Variants in LARS2 observed in about 807,000 individuals in gnomAD.
LARS2 encodes leucine--tRNA ligase, mitochondrial.
Under a neutral mutation model 116.6 loss-of-function variants are expected in LARS2, and 81 were observed. That is an observed-to-expected ratio of 0.69 (90% CI 0.58 to 0.84). The LOEUF is 0.84. LARS2 is among the 40% of genes least tolerant of loss of function. The pLI is 0.00. For synonymous variants in LARS2, 396 were observed against 407.2 expected (o/e 0.97, Z 0.33); for missense variants, 968 against 1,114.5 (o/e 0.87, Z 1.87).
chr3:45,398,655 T>C (rs898451220), intron 3 of LARS2, among the ~76,000 whole-genome samples: 1 of 152,230 alleles, frequency 6.6e-6, no homozygotes, highest in Admixed American at 6.5e-5. Context: ...TGATTTAAAC[T>C]TGGGTGTGGG....
chr3:45,464,715 G>T (rs1289247426), intron 8 of LARS2, among the ~76,000 whole-genome samples: 1 of 152,118 alleles, frequency 6.6e-6, no homozygotes, highest in Non-Finnish European at 1.5e-5. Context: ...GCCTTCTAAG[G>T]GGGAGGGGCG....
chr3:45,496,458 A>G (rs540778320), intron 14 of LARS2, 85 bp downstream of exon 14: 253 of 1,011,782 alleles, frequency 2.5e-4, no homozygotes, highest in Non-Finnish European at 3.5e-4. Context: ...TAGACATGCA[A>G]GAGATTTCTT....
At chr3:45,426,108 T>C (rs777277733) in intron 6 of LARS2, among the ~76,000 whole-genome samples, 6 of 152,164 alleles carry the variant, frequency 3.9e-5, no homozygotes, top group Non-Finnish European at 7.3e-5. Context: ...AAAGTGAAAA[T>C]TAATATTACT....
intron 6 of LARS2, among the ~76,000 whole-genome samples, chr3:45,420,219 T>A (rs921816614): frequency 6.6e-6 from 1 of 152,220 alleles, no homozygotes; most frequent in African/African-American, 2.4e-5. Context: ...CAGTGGAGAA[T>A]CAGTGGAGAA....
At chr3:45,459,333 C>T (rs1165275334) in intron 8 of LARS2, among the ~76,000 whole-genome samples, 4 of 152,194 alleles carry the variant, frequency 2.6e-5, no homozygotes, top group Non-Finnish European at 5.9e-5. Flanking sequence ...ATGTCTTTCC[C>T]ACCCAACTCT....
intron 10 of LARS2, among the ~76,000 whole-genome samples, chr3:45,478,612 T>G (rs928446960): frequency 6.6e-6 from 1 of 152,236 alleles, no homozygotes; most frequent in Non-Finnish European, 1.5e-5. Context: ...GCAAATTTAG[T>G]GCCAAGTGTA....
intron 6 of LARS2, among the ~76,000 whole-genome samples, chr3:45,430,003 CTTTT>C (rs66989698): frequency 1.4e-4 from 8 of 56,950 alleles, no homozygotes; most frequent in African/African-American, 6.1e-4. Flanking sequence ...TGCCCAGCCT[CTTTT>C]TTTTTTTTTT....
At chr3:45,527,921 C>CT (rs748094091) in intron 20 of LARS2, among the ~76,000 whole-genome samples, 12 of 152,196 alleles carry the variant, frequency 7.9e-5, no homozygotes, top group Admixed American at 1.3e-4. Context: ...TCTTATAACA[C>CT]TGAGGCCTAG....
chr3:45,466,409 A>T (rs962867592), intron 8 of LARS2, among the ~76,000 whole-genome samples: 5 of 152,198 alleles, frequency 3.3e-5, no homozygotes, highest in African/African-American at 1.2e-4. Flanking sequence ...CCCTGCCCTG[A>T]TCTGAAAAAC....
intron 6 of LARS2, among the ~76,000 whole-genome samples, chr3:45,435,355 C>T (rs1698780955): frequency 6.6e-6 from 1 of 152,192 alleles, no homozygotes; most frequent in African/African-American, 2.4e-5. Flanking sequence ...TCCTCAGCTT[C>T]CTGTGACACC....
intron 14 of LARS2, 55 bp downstream of exon 14, chr3:45,496,428 A>C: frequency 7.9e-7 from 1 of 1,259,392 alleles, no homozygotes; most frequent in Admixed American, 1.7e-5. Flanking sequence ...TCCTCCTAGA[A>C]GCAAAGACCA....
chr3:45,475,281 A>AT (rs1699592603), intron 9 of LARS2, among the ~76,000 whole-genome samples: 1 of 152,148 alleles, frequency 6.6e-6, no homozygotes, highest in Non-Finnish European at 1.5e-5. Context: ...TCAGCTTATA[A>AT]TTCCCTGTGC....
At chr3:45,545,944 G>A (rs760068498) in intron 21 of LARS2, among the ~76,000 whole-genome samples, 4 of 147,970 alleles carry the variant, frequency 2.7e-5, no homozygotes, top group Admixed American at 6.8e-5. Flanking sequence ...AGAATCTGGA[G>A]AATTCTGTCC....
chr3:45,415,365 C>T (rs976353316), intron 4 of LARS2, among the ~76,000 whole-genome samples: 1 of 152,182 alleles, frequency 6.6e-6, no homozygotes, highest in Non-Finnish European at 1.5e-5. Context: ...ATATACAGCA[C>T]TTTACTGTGT....
At chr3:45,463,373 C>G (rs927288447) in intron 8 of LARS2, among the ~76,000 whole-genome samples, 2 of 152,222 alleles carry the variant, frequency 1.3e-5, no homozygotes, top group African/African-American at 4.8e-5. Flanking sequence ...TAGTCAACCC[C>G]CATACCAAAT....
chr3:45,443,509 C>A (rs192942409), intron 6 of LARS2, among the ~76,000 whole-genome samples: 4 of 152,102 alleles, frequency 2.6e-5, no homozygotes, highest in Non-Finnish European at 5.9e-5. Context: ...GTGAGCCTTG[C>A]GAGTGTCTGT....
chr3:45,528,053 G>GTGGC (rs1254724594), intron 20 of LARS2, among the ~76,000 whole-genome samples: 1 of 152,148 alleles, frequency 6.6e-6, no homozygotes, highest in Non-Finnish European at 1.5e-5. Context: ...AGTGGATATG[G>GTGGC]TGGCTGGGTG....
rs550795598 is a variant in LARS2, at chr3:45,444,317, T to A, written c.517-2574T>A. 4.7e-5 allele frequency among the ~76,000 whole-genome samples: 7 copies of A among 147,734 alleles called. No individual in the cohort carries two copies. The South Asian group carries it at 1.6e-3, about 33-fold the overall frequency. ...CATGAGCCACTGCGCCCAGCCCTTTTTTCACTTTAGGTAAAAGTGATTTTC... is the reference window on the plus strand; with the variant it reads ...CATGAGCCACTGCGCCCAGCCCTTTATTCACTTTAGGTAAAAGTGATTTTC... On this transcript the variant is annotated intron_variant, in intron 6 of 21. Coordinates refer to ENST00000645846, the MANE Select transcript of LARS2 (RefSeq NM_015340.4).
chr3:45,511,271 C>T (rs1700285237), intron 15 of LARS2, among the ~76,000 whole-genome samples: 1 of 152,188 alleles, frequency 6.6e-6, no homozygotes, highest in Non-Finnish European at 1.5e-5. Flanking sequence ...TGTGGGTGCA[C>T]TGCTGAGGAC....
Sources: allele counts gnomAD v4.1 joint callset (sites outside exome capture counted in the v4.1 genomes callset), GRCh38; gene constraint gnomAD v4.1.1; transcripts MANE v1.5; gene names NCBI Gene and HGNC (gene_info 2026-07-23, HGNC 2026-07-21).